The following DAB1 variants were observed in gnomAD, a reference collection of about 807,000 sequenced individuals.
DAB1 encodes DAB adaptor protein 1.
A neutral mutation model predicts 64.6 loss-of-function variants in DAB1; 15 were observed. The observed-to-expected ratio is 0.23, with a 90% CI of 0.16 to 0.36. DAB1 has a LOEUF of 0.36. DAB1 is among the 10% of genes least tolerant of loss of function. The probability of loss-of-function intolerance (pLI) is 1.00; values close to 1 mark genes in which losing one functional copy is unlikely to be tolerated. For synonymous variants in DAB1, 235 were observed against 251.9 expected, an observed-to-expected ratio of 0.93 and a Z score of 0.64; for missense variants, 596 against 706.7, an observed-to-expected ratio of 0.84 and a Z score of 1.78.
chr1:57,259,143 A>T (rs919794309), intron 2 of DAB1, among the ~76,000 whole-genome samples: 6 of 152,184 alleles, frequency 3.9e-5, no homozygotes, highest in Non-Finnish European at 8.8e-5. Context: ...CCCTGTACCA[A>T]CATTCTATCC....
intron 7 of DAB1, among the ~76,000 whole-genome samples, chr1:57,630,226 T>C (rs1049410410): frequency 3.9e-5 from 6 of 152,176 alleles, no homozygotes; most frequent in African/African-American, 1.4e-4. Flanking sequence ...CGGATTTCAA[T>C]TGTCTTAAGT....
At chr1:57,424,456 C>G (rs1048934695), upstream of DAB1, among the ~76,000 whole-genome samples, 2 of 151,950 alleles carry the variant, frequency 1.3e-5, no homozygotes, top group Non-Finnish European at 2.9e-5. Flanking sequence ...CGAGGGGTCC[C>G]CGCCCCAGCC....
chr1:58,391,949 T>C (rs1010289312), intron 3 of DAB1, among the ~76,000 whole-genome samples: 43 of 152,256 alleles, frequency 2.8e-4, no homozygotes, highest in African/African-American at 1.0e-3. Context: ...GGAAATCAAA[T>C]AAGTCACTAA....
chr1:58,288,577 A>G (rs1661745237), intron 4 of DAB1, among the ~76,000 whole-genome samples: 3 of 152,226 alleles, frequency 2.0e-5, no homozygotes, highest in Admixed American at 2.0e-4. Flanking sequence ...GTACACAGTC[A>G]TGTAATGTCA....
At chr1:57,563,403 T>A (rs892988407) in intron 7 of DAB1, among the ~76,000 whole-genome samples, 3 of 152,044 alleles carry the variant, frequency 2.0e-5, no homozygotes, top group Non-Finnish European at 2.9e-5. Context: ...CCAACTGAGG[T>A]ACCAGGTTTA....
intron 7 of DAB1, among the ~76,000 whole-genome samples, chr1:57,453,873 AG>A (rs1342637362): frequency 6.6e-6 from 1 of 151,278 alleles, no homozygotes; most frequent in Admixed American, 6.6e-5. Context: ...ACATGAAAGA[AG>A]AAAAAAGAAG....
chr1:58,195,452 G>T (rs1657626008), intron 4 of DAB1, among the ~76,000 whole-genome samples: 1 of 151,990 alleles, frequency 6.6e-6, no homozygotes. Flanking sequence ...AGGAATAGAG[G>T]TCTGGCAAAA....
At chr1:58,465,715 T>C (rs916523774) in intron 3 of DAB1, among the ~76,000 whole-genome samples, 1 of 152,170 alleles carries the variant, frequency 6.6e-6, no homozygotes, top group South Asian at 2.1e-4. Context: ...ATTAAAATAA[T>C]AATAGATACC....
chr1:57,117,718 T>C (rs1296293794), intron 4 of DAB1, among the ~76,000 whole-genome samples: 1 of 152,234 alleles, frequency 6.6e-6, no homozygotes, highest in Admixed American at 6.5e-5. Context: ...GAATTTGTTA[T>C]CTTCTCCACT....
At position 57,444,751 on chromosome 1, in the gene DAB1, G is replaced by A. The variant is rs75816065; in HGVS notation, n.626-153585C>T. On this transcript the variant is annotated intron_variant and non_coding_transcript_variant, in intron 7 of 20. Coordinates refer to the DAB1 transcript ENST00000485760. Reference sequence around the variant, plus strand: ...CCTGCAGCCACCAGAAGCCAGAAGAGGCAAGGAATAATTCTCCCGTAGAGC... The same window carrying A: ...CCTGCAGCCACCAGAAGCCAGAAGAAGCAAGGAATAATTCTCCCGTAGAGC... 9.2e-5 allele frequency among the ~76,000 whole-genome samples: 14 copies of A among 152,274 alleles called. No homozygotes were observed. In the East Asian group the frequency reaches 2.5e-3, roughly 27 times the overall value.
At chr1:58,243,401 T>C (rs1660386448) in intron 4 of DAB1, among the ~76,000 whole-genome samples, 1 of 152,192 alleles carries the variant, frequency 6.6e-6, no homozygotes, top group Admixed American at 6.5e-5. Context: ...GTATTCATTC[T>C]GATTTAAGTC....
intron 7 of DAB1, among the ~76,000 whole-genome samples, chr1:57,469,381 C>T (rs1302259117): frequency 6.6e-6 from 1 of 152,140 alleles, no homozygotes; most frequent in Admixed American, 6.5e-5. Flanking sequence ...CCAGCAGGGG[C>T]ATCAACAAGA....
At chr1:58,377,319 G>A (rs1303042705) in intron 3 of DAB1, among the ~76,000 whole-genome samples, 40 of 140,992 alleles carry the variant, frequency 2.8e-4, no homozygotes, top group Non-Finnish European at 4.2e-4. Context: ...GGCTGGTACC[G>A]GTTGTTCCTT....
intron 4 of DAB1, among the ~76,000 whole-genome samples, chr1:57,084,725 CT>C (rs1175090626): frequency 5.9e-5 from 9 of 151,992 alleles, no homozygotes; most frequent in Non-Finnish European, 1.3e-4. Flanking sequence ...AATAACAAAC[CT>C]TTTTGTTTTT....
chr1:57,805,637 T>A (rs1288578069), intron 6 of DAB1, among the ~76,000 whole-genome samples: 1 of 152,198 alleles, frequency 6.6e-6, no homozygotes, highest in Admixed American at 6.5e-5. Context: ...TTTCTGGAAA[T>A]ATAGACTTGC....
intron 5 of DAB1, among the ~76,000 whole-genome samples, chr1:58,118,503 T>TATATATATATACACACACACAC (rs1341446315): frequency 7.5e-5 from 4 of 53,108 alleles, no homozygotes; most frequent in African/African-American, 1.0e-4. Context: ...TATATATATA[T>TATATATATATACACACACACAC]ACACACACAC....
chr1:57,249,617 C>A (rs1669169154), intron 2 of DAB1, among the ~76,000 whole-genome samples: 1 of 152,202 alleles, frequency 6.6e-6, no homozygotes, highest in Non-Finnish European at 1.5e-5. Flanking sequence ...AGCCATCCAC[C>A]CGCCTTGGCC....
At chr1:57,692,669 T>G (rs191604206) in intron 6 of DAB1, among the ~76,000 whole-genome samples, 78 of 152,300 alleles carry the variant, frequency 5.1e-4, no homozygotes, top group African/African-American at 1.8e-3. Flanking sequence ...TCAACCTATA[T>G]CTGCCTCTCA....
chr1:57,792,089 T>C (rs1306579218), intron 6 of DAB1, among the ~76,000 whole-genome samples: 2 of 152,180 alleles, frequency 1.3e-5, no homozygotes, highest in Non-Finnish European at 1.5e-5. Flanking sequence ...TGACAACCCT[T>C]CCACTGAGGA....
Sources: allele counts gnomAD v4.1 joint callset (sites outside exome capture counted in the v4.1 genomes callset), GRCh38; gene constraint gnomAD v4.1.1; transcripts MANE v1.5; gene names NCBI Gene and HGNC (gene_info 2026-07-23, HGNC 2026-07-21).